TTC21B: variants seen among roughly 807,000 people sequenced by gnomAD.
TTC21B encodes tetratricopeptide repeat domain 21B, also known as tetratricopeptide repeat protein 21B.
TTC21B carries 127 observed loss-of-function variants against 175.1 expected under a neutral mutation model. The observed-to-expected ratio is 0.73, with a 90% confidence interval of 0.63 to 0.84. The LOEUF (loss-of-function observed/expected upper bound fraction) is 0.84, where lower values mean the gene tolerates loss of function less well. Ranked by LOEUF, TTC21B falls within the 40% of genes least tolerant of loss-of-function variation. The pLI is 0.00. For missense variants in TTC21B, 1,561 were observed against 1,558.3 expected, an observed-to-expected ratio of 1.00 and a Z score of -0.03; for synonymous variants, 524 against 524.5, an observed-to-expected ratio of 1.00 and a Z score of 0.01.
In TTC21B at chr2:165,930,732, G is replaced by GTGTGTGTGTGT; in HGVS notation, c.895-369_895-368insACACACACACA. Among the ~76,000 whole-genome samples, 224 of 110,734 alleles carry GTGTGTGTGTGT rather than the reference G, an allele frequency of 2.0e-3. 18 individuals are homozygous for GTGTGTGTGTGT. Among genetic ancestry groups the GTGTGTGTGTGT allele is most frequent in the Non-Finnish European group, 3.0e-3 (143 of 48,202 alleles). The allele number at this position is 110,734 out of a possible 152,430, so 72.6% of individuals were successfully genotyped here. A position where few individuals can be genotyped will look rare whatever the true frequency, so the allele number is the denominator to read the frequency against. On this transcript the variant is annotated intron_variant, in intron 8 of 28. Transcript: ENST00000243344. ...TATTTTATGGTTACGTGGGTATGGG[G>GTGTGTGTGTGT]GTGTGTGTGTGTGTGTGTGTGTGTG...
In TTC21B at chr2:165,915,376, G is replaced by T; in HGVS notation, c.1963C>A (p.Arg655=). 6.2e-7 allele frequency: 1 copy of T among 1,614,040 alleles called. No individual in the cohort carries two copies. The highest frequency in any genetic ancestry group is 1.7e-5 in the Admixed American group (1 of 60,010). Reference sequence around the variant, plus strand: ...AGGTCTGCATTAGCAATGGTAACCCGCACTTCTTCAGATGTTCCAGAAAAT... The same window carrying T: ...AGGTCTGCATTAGCAATGGTAACCCTCACTTCTTCAGATGTTCCAGAAAAT... ...HEFSGTSEEV[R]VTIANADLAL... is the part of the protein sequence containing the mutation. The change falls in exon 15 of 29, where the codon CGG becomes AGG. Residue 655 remains arginine (R), a synonymous_variant. Transcript: ENST00000243344.
chr2:165,894,112 G>A (rs575455388), intron 22 of TTC21B, among the ~76,000 whole-genome samples: 159 of 152,242 alleles, frequency 1.0e-3, no homozygotes, highest in African/African-American at 3.8e-3. Context: ...GATGAGAGGT[G>A]ATAAGGGTCT....
chr2:165,938,809 C>A (rs1344157890), intron 6 of TTC21B, among the ~76,000 whole-genome samples: 1 of 151,970 alleles, frequency 6.6e-6, no homozygotes, highest in African/African-American at 2.4e-5. Flanking sequence ...GACAGGGAGA[C>A]AGCCTCGAGA....
chr2:165,931,882 C>A (rs756858699), intron 7 of TTC21B, 26 bp from the exon 8 acceptor site: 114 of 1,481,632 alleles, frequency 7.7e-5, no homozygotes, highest in Non-Finnish European at 9.5e-5. Flanking sequence ...CTGGTATTAA[C>A]TTAAAATATA....
chr2:165,916,601 T>A (rs545726145), intron 14 of TTC21B, among the ~76,000 whole-genome samples: 11 of 152,292 alleles, frequency 7.2e-5, no homozygotes, highest in Admixed American at 6.5e-4. Flanking sequence ...TTCTGGAGTG[T>A]GCATAAATGT....
chr2:165,887,855 AT>A (rs1574068431), intron 25 of TTC21B, among the ~76,000 whole-genome samples: 1 of 152,224 alleles, frequency 6.6e-6, no homozygotes, highest in Non-Finnish European at 1.5e-5. Flanking sequence ...AGCTATCAGT[AT>A]TGATCTCATG....
At chr2:165,875,215 T>C (rs1684627070) in intron 28 of TTC21B, among the ~76,000 whole-genome samples, 1 of 152,136 alleles carries the variant, frequency 6.6e-6, no homozygotes, top group Non-Finnish European at 1.5e-5. Flanking sequence ...TTACCTGAAA[T>C]GATCTTGAGA....
chr2:165,878,680 A>ATTTTTT (rs60789699), intron 27 of TTC21B, among the ~76,000 whole-genome samples: 1 of 130,922 alleles, frequency 7.6e-6, no homozygotes, highest in African/African-American at 2.9e-5. Flanking sequence ...CATGAGCACG[A>ATTTTTT]TTTTTTTTTT....
At chr2:165,899,156 T>G (rs530817530) in intron 21 of TTC21B, among the ~76,000 whole-genome samples, 1 of 152,316 alleles carries the variant, frequency 6.6e-6, no homozygotes, top group East Asian at 1.9e-4. Context: ...AAATCATAAC[T>G]ATTTTGAAAA....
At chr2:165,934,500 C>CAAAAAAAAAAAA (rs369089707) in intron 6 of TTC21B, among the ~76,000 whole-genome samples, 10 of 71,886 alleles carry the variant, frequency 1.4e-4, no homozygotes, top group African/African-American at 6.4e-4. Context: ...GACTCTGTCT[C>CAAAAAAAAAAAA]AAAAAAAAAA....
At chr2:165,895,602 T>C (rs1023034659) in intron 22 of TTC21B, among the ~76,000 whole-genome samples, 1 of 152,114 alleles carries the variant, frequency 6.6e-6, no homozygotes, top group Admixed American at 6.5e-5. Flanking sequence ...AATGGTAGTT[T>C]AGAGAAGAGG....
In TTC21B at chr2:165,873,829, G is replaced by A. The variant is rs1046348644; in HGVS notation, c.*926C>T. ...CCTTTTCTAAAAAAGATTTTTCAAT[G>A]AAAGTTACATTTTCTGTACTATACC... On this transcript the variant is annotated 3_prime_UTR_variant, in exon 29 of 29. Coordinates refer to ENST00000243344, the MANE Select transcript of TTC21B (RefSeq NM_024753.5). The A allele has an allele frequency of 6.6e-6, 1 of 152,070 alleles. No individual in the cohort carries two copies. The highest frequency in any genetic ancestry group is 1.5e-5 in the Non-Finnish European group (1 of 68,010). 9.4% of individuals were successfully genotyped at this position (152,070 alleles called of 1,614,324 possible). A position where few individuals can be genotyped will look rare whatever the true frequency, so the allele number is the denominator to read the frequency against.
At chr2:165,952,928 T>C (rs971807653) in intron 1 of TTC21B, among the ~76,000 whole-genome samples, 1 of 152,250 alleles carries the variant, frequency 6.6e-6, no homozygotes, top group Non-Finnish European at 1.5e-5. Context: ...TCAGTAAATA[T>C]TTGTTGAGTC....
intron 18 of TTC21B, 109 bp from the exon 19 acceptor site, chr2:165,907,893 G>A (rs1241611074): frequency 1.4e-6 from 1 of 716,046 alleles, no homozygotes; most frequent in South Asian, 1.7e-5. Context: ...TTGAAAAATA[G>A]TGAATACGGT....
At chr2:165,902,300 C>T (rs1443994594) in intron 19 of TTC21B, among the ~76,000 whole-genome samples, 2 of 152,198 alleles carry the variant, frequency 1.3e-5, no homozygotes, top group Non-Finnish European at 2.9e-5. Flanking sequence ...GTTTCTGGAA[C>T]ATTGAGATCT....
At chr2:165,930,732 G>GGTGT in intron 8 of TTC21B, among the ~76,000 whole-genome samples, 116 of 110,626 alleles carry the variant, frequency 1.0e-3, no homozygotes, top group African/African-American at 2.2e-3. Context: ...TGGGTATGGG[G>GGTGT]GTGTGTGTGT....
intron 20 of TTC21B, among the ~76,000 whole-genome samples, 190 bp downstream of exon 20, chr2:165,901,532 A>T (rs1685559125): frequency 6.6e-6 from 1 of 152,080 alleles, no homozygotes; most frequent in Admixed American, 6.6e-5. Flanking sequence ...CATGTTGGTC[A>T]GGCTGGTCTC....
chr2:165,917,543 C>A (rs1372237702), intron 13 of TTC21B, 62 bp from the exon 14 acceptor site: 12 of 1,291,742 alleles, frequency 9.3e-6, no homozygotes, highest in Non-Finnish European at 1.3e-5. Context: ...AATTTACAAT[C>A]CATCAAACAT....
Position 165,930,346 on chromosome 2 carries a change from T to C in TTC21B, c.913A>G (p.Ile305Val), listed in dbSNP as rs140899101. 201 of 1,611,780 alleles carry C rather than the reference T, an allele frequency of 1.2e-4. No homozygotes were observed. Among genetic ancestry groups the C allele is most frequent in the South Asian group, 1.2e-3 (105 of 90,894 alleles). ...AGTAACGTTTGAATTTTTTGAAGAATAAGTTGACTACGTCCACACTAAAAA... is the reference window on the plus strand; with the variant it reads ...AGTAACGTTTGAATTTTTTGAAGAACAAGTTGACTACGTCCACACTAAAAA... ...FSRTCGRSQL[I>V]LQKIQTLLER... Residue 305 changes from isoleucine to valine, a missense_variant, in exon 9 of 29, where the codon ATT (isoleucine) becomes GTT (valine). By Grantham distance (29) the Ile-to-Val change is conservative (BLOSUM62 3). Transcript: ENST00000243344.
Sources: allele counts gnomAD v4.1 joint callset (sites outside exome capture counted in the v4.1 genomes callset), GRCh38; gene constraint gnomAD v4.1.1; transcripts MANE v1.5; gene names NCBI Gene and HGNC (gene_info 2026-07-23, HGNC 2026-07-21).